Variants in DNAJC1 observed in about 807,000 individuals in gnomAD.
DNAJC1 encodes the protein DnaJ heat shock protein family (Hsp40) member C1, also known as dnaJ homolog subfamily C member 1.
Under a neutral mutation model 76.6 loss-of-function variants are expected in DNAJC1, and 58 were observed. The observed-to-expected ratio is 0.76, with a 90% confidence interval of 0.61 to 0.94. The LOEUF is 0.94. DNAJC1 is among the 40% of genes least tolerant of loss of function. The pLI is 0.00. For synonymous variants in DNAJC1, 258 were observed against 267.9 expected (o/e 0.96, Z 0.36); for missense variants, 689 against 677.3 (o/e 1.02, Z -0.19).
intron 1 of DNAJC1, among the ~76,000 whole-genome samples, chr10:21,957,997 C>G (rs554780845): frequency 3.9e-5 from 6 of 152,138 alleles, no homozygotes; most frequent in Non-Finnish European, 8.8e-5. Context: ...CTGGGCTTTA[C>G]TGTAATATTC....
intron 7 of DNAJC1, among the ~76,000 whole-genome samples, chr10:21,891,122 G>A (rs1025158717): frequency 5.3e-5 from 8 of 152,006 alleles, no homozygotes; most frequent in Non-Finnish European, 7.4e-5. Context: ...CCCAGGAGGC[G>A]GAGGTTGCAG....
At chr10:21,991,071 G>C (rs1283094807) in intron 1 of DNAJC1, among the ~76,000 whole-genome samples, 3 of 152,202 alleles carry the variant, frequency 2.0e-5, no homozygotes, top group East Asian at 3.9e-4. Flanking sequence ...AATGCACCTA[G>C]CAATCTCTAT....
rs115669850 is a variant in DNAJC1, at chr10:21,900,836, C to T, written c.820+3686G>A. Among the ~76,000 whole-genome samples the T allele has an allele frequency of 5.2e-3, 786 of 152,282 alleles. 4 individuals are homozygous for T. The highest frequency in any genetic ancestry group is 0.018 in the African/African-American group (738 of 41,558). ...TCCCATCCGTGAGCACCCTATGTTA[C>T]CACAGGCAAAGTGTTCTAACCTAAA... On this transcript the variant is annotated intron_variant, in intron 7 of 11. Transcript: ENST00000376980.
chr10:21,788,960 G>C (rs1454212294), intron 9 of DNAJC1, among the ~76,000 whole-genome samples: 1 of 152,124 alleles, frequency 6.6e-6, no homozygotes, highest in African/African-American at 2.4e-5. Context: ...CTGCCACAGA[G>C]AGCAAGCTTG....
At chr10:21,942,873 T>C (rs371660296) in intron 1 of DNAJC1, among the ~76,000 whole-genome samples, 1 of 151,164 alleles carries the variant, frequency 6.6e-6, no homozygotes, top group Non-Finnish European at 1.5e-5. Context: ...CCTATATTCA[T>C]GGTTCATTTA....
rs1002122654 is a variant in DNAJC1 at position 21,875,859 on chromosome 10, A to G, written c.978+6423T>C. On this transcript the variant is annotated intron_variant, in intron 8 of 11. Transcript: ENST00000376980. ...AGAATCACTTGAACCTGGGAGGCGG[A>G]GGTTGCAGCGAGGTGAGATCATGCT... Among the ~76,000 whole-genome samples the G allele has an allele frequency of 3.8e-4, 58 of 152,178 alleles. 1 individual carries two copies. The highest frequency in any genetic ancestry group is 1.3e-3 in the African/African-American group (55 of 41,530).
intron 1 of DNAJC1, among the ~76,000 whole-genome samples, chr10:21,984,909 G>A (rs959366536): frequency 2.6e-5 from 4 of 152,176 alleles, no homozygotes; most frequent in African/African-American, 9.7e-5. Context: ...GTGTGCATGT[G>A]TATGTATGAA....
intron 8 of DNAJC1, among the ~76,000 whole-genome samples, chr10:21,873,277 G>T (rs1836133971): frequency 6.6e-6 from 1 of 152,112 alleles, no homozygotes; most frequent in Non-Finnish European, 1.5e-5. Flanking sequence ...TGTCTGAGGG[G>T]TTCTTGCCTG....
rs543073706 is a variant in DNAJC1, at chr10:21,967,511, T to A, written c.222+35702A>T. Reference sequence around the variant, plus strand: ...TTCTCTAGGCATCCCTATTTACCCATTGAGTTTTTATTTCAATTCCCTTTT... The same window carrying A: ...TTCTCTAGGCATCCCTATTTACCCAATGAGTTTTTATTTCAATTCCCTTTT... On this transcript the variant is annotated intron_variant, in intron 1 of 11. Coordinates refer to ENST00000376980, the MANE Select transcript of DNAJC1 (RefSeq NM_022365.4). Among the ~76,000 whole-genome samples the A allele has an allele frequency of 6.0e-4, 92 of 152,344 alleles. 1 individual carries two copies. The highest frequency in any genetic ancestry group is 1.1e-3 in the Admixed American group (17 of 15,302).
intron 8 of DNAJC1, among the ~76,000 whole-genome samples, chr10:21,875,090 A>T (rs1836164106): frequency 6.6e-6 from 1 of 152,190 alleles, no homozygotes; most frequent in African/African-American, 2.4e-5. Flanking sequence ...CATGTTGGCC[A>T]GGCTGGTCTT....
At chr10:21,767,574 C>T (rs1482509125) in intron 9 of DNAJC1, among the ~76,000 whole-genome samples, 1 of 152,190 alleles carries the variant, frequency 6.6e-6, no homozygotes, top group Non-Finnish European at 1.5e-5. Context: ...AGGCATGAGC[C>T]ACTGCACTTG....
chr10:21,943,593 T>C (rs936303081), intron 1 of DNAJC1, among the ~76,000 whole-genome samples: 3 of 152,210 alleles, frequency 2.0e-5, no homozygotes, highest in African/African-American at 7.2e-5. Flanking sequence ...ATTTATTTCC[T>C]TTCAGACACA....
chr10:21,860,223 G>A (rs977956572), intron 8 of DNAJC1, among the ~76,000 whole-genome samples: 6 of 150,446 alleles, frequency 4.0e-5, no homozygotes, highest in Non-Finnish European at 8.9e-5. Flanking sequence ...TCCAAAACAA[G>A]GCAAGAATAA....
chr10:21,951,148 C>T (rs1055097428), intron 1 of DNAJC1, among the ~76,000 whole-genome samples: 7 of 152,018 alleles, frequency 4.6e-5, no homozygotes, highest in South Asian at 2.1e-4. Context: ...GGTGAAACCA[C>T]GTCTCTACTA....
rs1421876519 is a variant in DNAJC1, at chr10:21,805,970, G to A, written c.1098+10C>T. 1 of 1,611,350 alleles carries A rather than the reference G, an allele frequency of 6.2e-7. No homozygotes were observed. Among genetic ancestry groups the A allele is most frequent in the Non-Finnish European group, 8.5e-7 (1 of 1,179,448 alleles). ...CTCTCTCTATACAATGCAAATCTCA[G>A]TGAACTCACATCTGTCACAGATCGA... On this transcript the variant is annotated intron_variant, in intron 9 of 11. Transcript: ENST00000376980.
At chr10:21,851,070 A>G (rs867494852) in intron 8 of DNAJC1, among the ~76,000 whole-genome samples, 1 of 152,224 alleles carries the variant, frequency 6.6e-6, no homozygotes, top group Non-Finnish European at 1.5e-5. Context: ...AGAAGAAAGC[A>G]TAGGGGTAAA....
At chr10:21,837,147 G>A (rs540033710) in intron 8 of DNAJC1, among the ~76,000 whole-genome samples, 138 of 152,356 alleles carry the variant, frequency 9.1e-4, no homozygotes, top group African/African-American at 3.2e-3. Flanking sequence ...TCCTAACCGC[G>A]AGTGATCTGC....
chr10:21,954,022 AT>A (rs1323704393), intron 1 of DNAJC1, among the ~76,000 whole-genome samples: 2 of 151,774 alleles, frequency 1.3e-5, no homozygotes, highest in Admixed American at 1.3e-4. Flanking sequence ...TCAATCTAAA[AT>A]TTTTTCTGGG....
At chr10:21,826,325 T>A (rs1250261636) in intron 8 of DNAJC1, among the ~76,000 whole-genome samples, 1 of 151,868 alleles carries the variant, frequency 6.6e-6, no homozygotes, top group Non-Finnish European at 1.5e-5. Flanking sequence ...TTACTCTCTC[T>A]CTCTTTTTAT....
Sources: gnomAD v4.1 joint callset for allele counts (sites outside exome capture counted in the v4.1 genomes callset) on GRCh38, gnomAD v4.1.1 for gene constraint, MANE v1.5 for transcripts, NCBI Gene and HGNC (gene_info 2026-07-23, HGNC 2026-07-21) for gene names.